CARMIL1: variants seen among roughly 807,000 people sequenced by gnomAD.
CARMIL1 encodes the protein F-actin-uncapping protein LRRC16A.
Under a neutral mutation model 177.1 loss-of-function variants are expected in CARMIL1, and 90 were observed. That is an observed-to-expected ratio of 0.51 (90% CI 0.43 to 0.61). The LOEUF (loss-of-function observed/expected upper bound fraction) is 0.61. Ranked by LOEUF, CARMIL1 falls within the 20% of genes least tolerant of loss-of-function variation. CARMIL1 has a pLI of 0.00. For missense variants in CARMIL1, 1,380 were observed against 1,667.0 expected, an observed-to-expected ratio of 0.83 and a Z score of 3.00; for synonymous variants, 577 against 606.2, an observed-to-expected ratio of 0.95 and a Z score of 0.71.
chr6:25,446,471 T>G (rs997132711), intron 5 of CARMIL1, among the ~76,000 whole-genome samples: 26 of 152,342 alleles, frequency 1.7e-4, no homozygotes, highest in African/African-American at 6.0e-4. Context: ...GCTTCCAACT[T>G]CAGCTTCCTC....
chr6:25,445,036 T>C (rs1798096149), intron 5 of CARMIL1, among the ~76,000 whole-genome samples: 1 of 152,230 alleles, frequency 6.6e-6, no homozygotes, highest in Non-Finnish European at 1.5e-5. Context: ...CCAGCATCTG[T>C]TGTTCCCTGA....
chr6:25,452,264 C>T lies in CARMIL1; in HGVS notation c.614+1553C>T, dbSNP rs372171881. On this transcript the variant is annotated intron_variant, in intron 8 of 36. Coordinates refer to ENST00000329474, the MANE Select transcript of CARMIL1 (RefSeq NM_017640.6). ...CTGCTTAGAGCAGTTCTCCTTCTTC[C>T]TATAAGTGAGGCAACTTTATACTTT... is the stretch of plus-strand genomic sequence containing the variant. 171 of 761,770 alleles carry T rather than the reference C, an allele frequency of 2.2e-4. No homozygotes were observed. The African/African-American group carries it at 2.3e-3, about 10-fold the overall frequency. 47.2% of individuals were successfully genotyped at this position (761,770 alleles called of 1,614,324 possible).
chr6:25,388,430 G>A (rs1223244540), intron 2 of CARMIL1, among the ~76,000 whole-genome samples: 1 of 152,034 alleles, frequency 6.6e-6, no homozygotes, highest in South Asian at 2.1e-4. Flanking sequence ...GCAGTGGAGC[G>A]ATCTCAGCTC....
At chr6:25,332,599 G>A (rs1215135114) in intron 2 of CARMIL1, among the ~76,000 whole-genome samples, 1 of 152,028 alleles carries the variant, frequency 6.6e-6, no homozygotes, top group Non-Finnish European at 1.5e-5. Context: ...TGAGGAAGAA[G>A]GGAAGGACAG....
chr6:25,534,381 C>T (rs900087195), intron 24 of CARMIL1, among the ~76,000 whole-genome samples: 10 of 152,082 alleles, frequency 6.6e-5, no homozygotes, highest in African/African-American at 2.2e-4. Flanking sequence ...TCTGATCTCC[C>T]ACTGTAAGGT....
chr6:25,281,536 A>G (rs77047878), intron 1 of CARMIL1, among the ~76,000 whole-genome samples: 2,206 of 152,312 alleles, frequency 0.014, 64 homozygotes, highest in African/African-American at 0.05. Flanking sequence ...CAAAAGGAAT[A>G]GTTTGTATAT....
intron 24 of CARMIL1, among the ~76,000 whole-genome samples, chr6:25,533,561 C>T (rs151125053): frequency 6.6e-6 from 1 of 152,140 alleles, no homozygotes; most frequent in Admixed American, 6.5e-5. Context: ...ATCACAATTA[C>T]CATCATTATT....
At chr6:25,403,793 T>G (rs1794098908) in intron 2 of CARMIL1, among the ~76,000 whole-genome samples, 1 of 152,292 alleles carries the variant, frequency 6.6e-6, no homozygotes, top group Admixed American at 6.5e-5. Context: ...TTAAGCACGC[T>G]CTATTCTCTT....
intron 4 of CARMIL1, among the ~76,000 whole-genome samples, chr6:25,427,471 T>A (rs1796373714): frequency 6.6e-6 from 1 of 152,206 alleles, no homozygotes; most frequent in Non-Finnish European, 1.5e-5. Context: ...GTGAGGGACA[T>A]TTGGGTTGTT....
In CARMIL1 at chr6:25,500,269, A is replaced by G. The variant is rs775497687; in HGVS notation, c.1395+34A>G. On this transcript the variant is annotated intron_variant, in intron 17 of 36. Transcript: ENST00000329474. ...ACCCTTAGATTGTATACTGGAATAG[A>G]TAATAGCCTCAACCGCTTTGCCTTT... is the stretch of plus-strand genomic sequence containing the variant. 8.9e-6 allele frequency: 14 copies of G among 1,577,844 alleles called. 1 individual carries two copies. The East Asian group carries it at 1.8e-4, about 20-fold the overall frequency.
intron 29 of CARMIL1, among the ~76,000 whole-genome samples, chr6:25,567,492 A>G (rs957379392): frequency 7.2e-5 from 11 of 152,254 alleles, no homozygotes; most frequent in African/African-American, 2.6e-4. Context: ...CATACATATA[A>G]CACATGTGAT....
chr6:25,465,820 C>T (rs1299685596), intron 8 of CARMIL1, 53 bp from the exon 9 acceptor site: 2 of 995,736 alleles, frequency 2.0e-6, no homozygotes, highest in Admixed American at 1.8e-5. Flanking sequence ...AATTAAGTGT[C>T]AGTGTAGCTA....
chr6:25,405,957 G>A (rs770599167), intron 2 of CARMIL1, among the ~76,000 whole-genome samples: 10 of 152,156 alleles, frequency 6.6e-5, no homozygotes, highest in Non-Finnish European at 1.3e-4. Flanking sequence ...GGGTGAGAAG[G>A]AGCAGTAAAA....
intron 3 of CARMIL1, among the ~76,000 whole-genome samples, chr6:25,424,217 C>A (rs1403105159): frequency 1.3e-5 from 2 of 152,098 alleles, no homozygotes; most frequent in African/African-American, 4.8e-5. Context: ...CACCTCGATG[C>A]CTTTGCGAAT....
At chr6:25,397,166 G>T (rs374026278) in intron 2 of CARMIL1, among the ~76,000 whole-genome samples, 7 of 152,102 alleles carry the variant, frequency 4.6e-5, no homozygotes, top group African/African-American at 1.7e-4. Context: ...GTGCTGCAAA[G>T]AATTAAGCAT....
At chr6:25,477,852 C>CT (rs56068417) in intron 11 of CARMIL1, among the ~76,000 whole-genome samples, 60,846 of 98,026 alleles carry the variant, frequency 0.62, 20,750 homozygotes, top group South Asian at 0.73. Context: ...CTTCTCATCA[C>CT]TTTTTTTTTT....
chr6:25,300,165 C>G (rs1042952755), intron 2 of CARMIL1, among the ~76,000 whole-genome samples: 6 of 151,840 alleles, frequency 4.0e-5, no homozygotes, highest in Non-Finnish European at 7.4e-5. Context: ...TATGATATAG[C>G]CATTGTTGAT....
chr6:25,424,035 A>G (rs1796085795), intron 3 of CARMIL1, among the ~76,000 whole-genome samples: 1 of 152,054 alleles, frequency 6.6e-6, no homozygotes, highest in African/African-American at 2.4e-5. Context: ...ATAGGAGAGA[A>G]TGATTTGAAC....
intron 36 of CARMIL1, among the ~76,000 whole-genome samples, chr6:25,619,087 A>T (rs1350183907): frequency 6.6e-6 from 1 of 152,102 alleles, no homozygotes; most frequent in Non-Finnish European, 1.5e-5. Flanking sequence ...GCTATGACTG[A>T]GGAGGTCACC....
Sources: gnomAD v4.1 joint callset for allele counts (sites outside exome capture counted in the v4.1 genomes callset) on GRCh38, gnomAD v4.1.1 for gene constraint, MANE v1.5 for transcripts, NCBI Gene and HGNC (gene_info 2026-07-23, HGNC 2026-07-21) for gene names.